Variants in SLC5A9 observed in about 807,000 individuals in gnomAD.
The protein encoded by SLC5A9 is sodium/glucose cotransporter 4.
Under a neutral mutation model 70.9 loss-of-function variants are expected in SLC5A9, and 59 were observed. The ratio of observed to expected loss-of-function variants is 0.83; its 90% confidence interval spans 0.68 to 1.03. The LOEUF is 1.03. Among genes scored for constraint, SLC5A9 ranks in the 50% least tolerant of loss-of-function variants. The probability of loss-of-function intolerance (pLI) is 0.00; values close to 1 mark genes in which losing one functional copy is unlikely to be tolerated. For missense variants in SLC5A9, 832 were observed against 881.1 expected (o/e 0.94, Z 0.71); for synonymous variants, 340 against 346.5 (o/e 0.98, Z 0.21).
chr1:48,242,010 A>G (rs1483371034), intron 12 of SLC5A9: 1 of 456,606 alleles, frequency 2.2e-6, no homozygotes, highest in African/African-American at 2.0e-5. Context: ...ATTCACTCCA[A>G]GAGAACTTTG....
At chr1:48,223,016 G>C in intron 1 of SLC5A9, 118 bp downstream of exon 1, 3 of 1,094,624 alleles carry the variant, frequency 2.7e-6, no homozygotes, top group Non-Finnish European at 3.9e-6. Flanking sequence ...GAACCATGTG[G>C]CTGAGAAGGA....
chr1:48,247,499 C>T lies in SLC5A9; in HGVS notation c.2002C>T (p.Leu668Phe). The T allele has an allele frequency of 6.2e-7, 1 of 1,614,182 alleles. No homozygotes were observed. The highest frequency in any genetic ancestry group is 8.5e-7 in the Non-Finnish European group (1 of 1,180,042). Residue 668 changes from leucine to phenylalanine, a missense_variant, in exon 14 of 14, where the codon CTT becomes TTT. Coordinates refer to ENST00000438567, the MANE Select transcript of SLC5A9 (RefSeq NM_001011547.3). ...ACATGTCTGCAACATCAATGCTGTC[C>T]TTTTGCTGGCCATCAACATCTTCCT... is the stretch of plus-strand genomic sequence containing the variant. ...WRHVCNINAV[L>F]LLAINIFLWG...
chr1:48,238,409 A>G (rs1165828051), intron 11 of SLC5A9: 2 of 152,458 alleles, frequency 1.3e-5, no homozygotes, highest in Non-Finnish European at 2.9e-5. Context: ...GGGCTCCTGC[A>G]CTTGCATTAT....
chr1:48,237,640 A>C, intron 10 of SLC5A9, 39 bp from the exon 11 acceptor site: 1 of 1,603,280 alleles, frequency 6.2e-7, no homozygotes, highest in Non-Finnish European at 8.5e-7. Context: ...CACCATGCCC[A>C]CCCGAGTGTG....
intron 4 of SLC5A9, among the ~76,000 whole-genome samples, chr1:48,230,079 G>A (rs1644225731): frequency 6.6e-6 from 1 of 152,214 alleles, no homozygotes; most frequent in Non-Finnish European, 1.5e-5. Context: ...TCCTAAGTCA[G>A]CTTAAGCTCA....
At position 48,230,564 on chromosome 1, in the gene SLC5A9, G is replaced by A. The variant is rs763800715; in HGVS notation, c.505-36G>A. The A allele has an allele frequency of 3.0e-5, 45 of 1,507,714 alleles. No homozygotes were observed. In the Middle Eastern group the frequency reaches 3.1e-3, roughly 103 times the overall value. 93.4% of individuals were successfully genotyped at this position (1,507,714 alleles called of 1,614,324 possible). On this transcript the variant is annotated intron_variant, in intron 4 of 13. Transcript: ENST00000438567. ...TCCATACAACCCTACTGAGGGCCTC[G>A]GGTGGTCTGGCCTCTTGGGTCCTGG...
At position 48,230,209 on chromosome 1, in the gene SLC5A9, C is replaced by G. The variant is rs1302499287; in HGVS notation, c.505-391C>G. Reference sequence around the variant, plus strand: ...GTGGGCCACCTGACAGCCAAGCAGGCTCTGCTCTGCCAGGGAGCAGCCAGC... The same window carrying G: ...GTGGGCCACCTGACAGCCAAGCAGGGTCTGCTCTGCCAGGGAGCAGCCAGC... On this transcript the variant is annotated intron_variant, in intron 4 of 13. Transcript: ENST00000438567. Among the ~76,000 whole-genome samples, 3 of 152,234 alleles carry G rather than the reference C, an allele frequency of 2.0e-5. No individual in the cohort carries two copies. The East Asian group carries it at 5.8e-4, about 29-fold the overall frequency.
chr1:48,244,878 G>GTATATATA (rs756117312), intron 13 of SLC5A9, among the ~76,000 whole-genome samples: 853 of 29,432 alleles, frequency 0.029, 255 homozygotes, highest in Middle Eastern at 0.062. Context: ...ATGTGTATGT[G>GTATATATA]TATATATATA....
At position 48,247,323 on chromosome 1, in the gene SLC5A9, T is replaced by A. The variant is rs756936340; in HGVS notation, c.1838-12T>A. ...TCCTGCTCTCCTTTGTCTTCTGGCT[T>A]TGTCCCTCCAGCCCCAAGCAGGTCC... On this transcript the variant is annotated splice_polypyrimidine_tract_variant and intron_variant, in intron 13 of 13. Coordinates refer to ENST00000438567, the MANE Select transcript of SLC5A9 (RefSeq NM_001011547.3). 1.2e-6 allele frequency: 2 copies of A among 1,612,924 alleles called. No homozygotes were observed. Among genetic ancestry groups the A allele is most frequent in the Non-Finnish European group, 1.7e-6 (2 of 1,179,178 alleles).
chr1:48,245,743 C>T (rs1182073019), intron 13 of SLC5A9, among the ~76,000 whole-genome samples: 1 of 152,130 alleles, frequency 6.6e-6, no homozygotes, highest in African/African-American at 2.4e-5. Flanking sequence ...AGGGGGATTG[C>T]TTGAACTCAG....
intron 6 of SLC5A9, 78 bp downstream of exon 6, chr1:48,231,703 G>A (rs1035858591): frequency 1.7e-5 from 26 of 1,568,404 alleles, no homozygotes; most frequent in Middle Eastern, 3.3e-4. Flanking sequence ...TCCACAGTTC[G>A]ATTGAAACTT....
At position 48,227,294 on chromosome 1, in the gene SLC5A9, A is replaced by AGT. The variant is rs200126723; in HGVS notation, c.235-1547_235-1546dup. On this transcript the variant is annotated intron_variant, in intron 2 of 13. Transcript: ENST00000438567. ...CAGAGTGTGTGTGTGTATGTGTGAG[A>AGT]GTGTGTGTGTACTGTGCCTGTGTGG... Among the ~76,000 whole-genome samples the AGT allele has an allele frequency of 7.1e-4, 46 of 65,170 alleles. 1 individual carries two copies. The South Asian group carries it at 8.1e-3, about 11-fold the overall frequency. The allele number at this position is 65,170 out of a possible 152,430, so 42.8% of individuals were successfully genotyped here. A position where few individuals can be genotyped will look rare whatever the true frequency, so the allele number is the denominator to read the frequency against.
intron 1 of SLC5A9, among the ~76,000 whole-genome samples, chr1:48,223,158 G>A (rs1033473135): frequency 6.6e-6 from 1 of 152,074 alleles, no homozygotes; most frequent in African/African-American, 2.4e-5. Flanking sequence ...CTGAGCACCT[G>A]CTGCCTTTGG....
intron 13 of SLC5A9, 125 bp from the exon 14 acceptor site, chr1:48,247,210 C>G: frequency 1.2e-6 from 1 of 862,586 alleles, no homozygotes; most frequent in Non-Finnish European, 1.8e-6. Flanking sequence ...CTGTGCACCC[C>G]CCATACTTTC....
chr1:48,233,117 C>A (rs910686134), intron 8 of SLC5A9, among the ~76,000 whole-genome samples: 3 of 151,814 alleles, frequency 2.0e-5, no homozygotes, highest in African/African-American at 7.3e-5. Context: ...AATCCCAGAA[C>A]TTTGGGAGGC....
Position 48,244,826 on chromosome 1 carries a change from A to ATATAAATTATATTTATAT in SLC5A9, c.1837+2214_1837+2215insAATTATATTTATATTATA, listed in dbSNP as rs1557486088. Among the ~76,000 whole-genome samples, 5 of 63,774 alleles carry ATATAAATTATATTTATAT rather than the reference A, an allele frequency of 7.8e-5. No homozygotes were observed. In the East Asian group the frequency reaches 1.7e-3, roughly 22 times the overall value. 41.8% of individuals were successfully genotyped at this position (63,774 alleles called of 152,430 possible). ...ATTATATATAAATTATATTTATATT[A>ATATAAATTATATTTATAT]TATATATAAATTATATATATAAAAC... On this transcript the variant is annotated intron_variant, in intron 13 of 13. Coordinates refer to ENST00000438567, the MANE Select transcript of SLC5A9 (RefSeq NM_001011547.3).
chr1:48,245,280 T>C (rs1644448197), intron 13 of SLC5A9, among the ~76,000 whole-genome samples: 1 of 151,854 alleles, frequency 6.6e-6, no homozygotes, highest in African/African-American at 2.4e-5. Flanking sequence ...GGAGACAGCT[T>C]GTACTTTCCC....
At chr1:48,244,689 T>C (rs1331558567) in intron 13 of SLC5A9, among the ~76,000 whole-genome samples, 1 of 138,156 alleles carries the variant, frequency 7.2e-6, no homozygotes, top group Non-Finnish European at 1.5e-5. Flanking sequence ...CCCAATTACT[T>C]CATGGTATAT....
At chr1:48,242,905 A>G (rs1644409000) in intron 13 of SLC5A9, among the ~76,000 whole-genome samples, 2 of 152,144 alleles carry the variant, frequency 1.3e-5, no homozygotes, top group African/African-American at 4.8e-5. Flanking sequence ...AGAGGTACCC[A>G]TCCAGTCACC....
Sources: allele counts gnomAD v4.1 joint callset (sites outside exome capture counted in the v4.1 genomes callset), GRCh38; gene constraint gnomAD v4.1.1; transcripts MANE v1.5; gene names NCBI Gene and HGNC (gene_info 2026-07-23, HGNC 2026-07-21).